PKD1L3: variants seen among roughly 807,000 people sequenced by gnomAD.
PKD1L3 encodes the protein polycystin 1 like 3, transient receptor potential channel interacting.
In PKD1L3, 239 loss-of-function variants were observed where a neutral mutation model predicts 184.1. The ratio of observed to expected loss-of-function variants is 1.30; its 90% CI spans 1.17 to 1.45. PKD1L3 has a LOEUF of 1.45. Among genes scored for constraint, PKD1L3 ranks in the 40% most tolerant of loss-of-function variants. The probability of loss-of-function intolerance (pLI) is 0.00; values close to 1 mark genes in which losing one functional copy is unlikely to be tolerated. For synonymous variants in PKD1L3, 996 were observed against 778.8 expected (o/e 1.28, Z -4.64); for missense variants, 2,660 against 2,067.2 (o/e 1.29, Z -5.56).
intron 22 of PKD1L3, among the ~76,000 whole-genome samples, chr16:71,946,085 C>T (rs77915105): frequency 1.3e-5 from 2 of 152,206 alleles, no homozygotes; most frequent in East Asian, 1.9e-4. Flanking sequence ...CAGCCTCCCA[C>T]GTAGCTGGGA....
intron 2 of PKD1L3, among the ~76,000 whole-genome samples, chr16:71,995,148 G>A (rs1349304447): frequency 2.0e-5 from 3 of 152,146 alleles, no homozygotes; most frequent in Admixed American, 6.5e-5. Flanking sequence ...ACTGGCACTT[G>A]GAGTTGGGGG....
chr16:71,952,936 T>C lies in PKD1L3; in HGVS notation c.2967A>G (p.Ser989=), dbSNP rs1476855079. ...CAGAGAGAGGCTCAACAGAAGCATC[T>C]GAGAGGCAGGAGGCCTGGATGGGAG... ...LFPPIQASCL[S]DASVEPLSAT... The change falls in exon 18 of 30, where the codon TCA becomes TCG. Residue 989 remains serine, a synonymous_variant. Transcript: ENST00000620267. 10 of 1,550,906 alleles carry C rather than the reference T, an allele frequency of 6.4e-6. No individual in the cohort carries two copies. Among genetic ancestry groups the C allele is most frequent in the Non-Finnish European group, 8.7e-6 (10 of 1,146,870 alleles).
chr16:71,933,926 A>AG lies in PKD1L3; in HGVS notation c.4812dup (p.Tyr1605LeufsTer6), dbSNP rs2038082719. 6.4e-7 allele frequency: 1 copy of AG among 1,551,132 alleles called. No homozygotes were observed. The highest frequency in any genetic ancestry group is 1.4e-5 in the African/African-American group (1 of 73,012). On this transcript the variant is annotated frameshift_variant, in exon 27 of 30. Coordinates refer to ENST00000620267, the MANE Select transcript of PKD1L3 (RefSeq NM_181536.2). LOFTEE classifies it high-confidence loss of function. ...ACGTGGGGGCTTACGGCAATGGCATAGCCTGTCAGCAGGATTAGGATGATC... is the reference window on the plus strand; with the variant it reads ...ACGTGGGGGCTTACGGCAATGGCATAGGCCTGTCAGCAGGATTAGGATGATC...
At position 71,944,083 on chromosome 16, in the gene PKD1L3, G is replaced by C; in HGVS notation, c.3806C>G (p.Pro1269Arg). 1 of 1,552,008 alleles carries C rather than the reference G, an allele frequency of 6.4e-7. No individual in the cohort carries two copies. Among genetic ancestry groups the C allele is most frequent in the Non-Finnish European group, 8.7e-7 (1 of 1,147,036 alleles). ...APAINSPTKH[P>R]ERTLKKKKLF... ...TTTCTTCTTTTTCAAGGTTCTTTCT[G>C]GGTGCTTAGTTGGACTATTTATAGC... Residue 1269 changes from proline to arginine, a missense_variant, in exon 23 of 30, where the codon CCA becomes CGA. Pro to Arg is a moderately radical substitution (Grantham distance 103, BLOSUM62 -2). Coordinates refer to ENST00000620267, the MANE Select transcript of PKD1L3 (RefSeq NM_181536.2).
intron 25 of PKD1L3, among the ~76,000 whole-genome samples, chr16:71,936,553 CT>C: frequency 7.2e-6 from 1 of 137,996 alleles, no homozygotes; most frequent in Non-Finnish European, 1.5e-5. Flanking sequence ...CAGTTTCACT[CT>C]TGTTGCCCAA....
In PKD1L3 at chr16:71,998,172, A is replaced by T. The variant is rs928951780; in HGVS notation, c.418+100T>A. On this transcript the variant is annotated intron_variant, in intron 2 of 29. Coordinates refer to ENST00000620267, the MANE Select transcript of PKD1L3 (RefSeq NM_181536.2). ...AAGCCCTGTATCATCCCATGGTCTAACACTCACAGACTATTTAACCAATAT... is the reference window on the plus strand; with the variant it reads ...AAGCCCTGTATCATCCCATGGTCTATCACTCACAGACTATTTAACCAATAT... 6 of 1,455,952 alleles carry T rather than the reference A, an allele frequency of 4.1e-6. No individual in the cohort carries two copies. The African/African-American group carries it at 8.5e-5, about 21-fold the overall frequency. The allele number at this position is 1,455,952 out of a possible 1,614,324, so 90.2% of individuals were successfully genotyped here.
chr16:71,979,739 C>A (rs1476062541), intron 9 of PKD1L3, 47 bp downstream of exon 9: 2 of 1,461,120 alleles, frequency 1.4e-6, no homozygotes, highest in Non-Finnish European at 1.8e-6. Context: ...GCCTACATGG[C>A]CATCAGATCC....
At chr16:71,983,319 G>C (rs1476024669) in intron 6 of PKD1L3, among the ~76,000 whole-genome samples, 5 of 151,860 alleles carry the variant, frequency 3.3e-5, no homozygotes, top group African/African-American at 1.2e-4. Flanking sequence ...GTTAAGTTTT[G>C]TATTTTTGAT....
chr16:71,950,760 G>A (rs1321031245), intron 19 of PKD1L3, among the ~76,000 whole-genome samples: 3 of 147,110 alleles, frequency 2.0e-5, no homozygotes, highest in Non-Finnish European at 4.5e-5. Context: ...TTGAGATGGA[G>A]TCTTGGTCTG....
intron 7 of PKD1L3, 71 bp from the exon 8 acceptor site, chr16:71,980,205 G>C (rs769144383): frequency 4.7e-6 from 7 of 1,490,256 alleles, no homozygotes; most frequent in Non-Finnish European, 6.4e-6. Flanking sequence ...TAATGTTTTG[G>C]AGAAGATTGG....
At chr16:71,994,167 G>A (rs1413172547) in intron 2 of PKD1L3, among the ~76,000 whole-genome samples, 1 of 152,128 alleles carries the variant, frequency 6.6e-6, no homozygotes, top group Non-Finnish European at 1.5e-5. Context: ...TAACCATGAT[G>A]ACTATGGCTC....
At chr16:71,975,354 G>A (rs759418026) in intron 11 of PKD1L3, among the ~76,000 whole-genome samples, 1 of 151,762 alleles carries the variant, frequency 6.6e-6, no homozygotes, top group Non-Finnish European at 1.5e-5. Context: ...CACTACACCA[G>A]GCCAGACATT....
chr16:71,990,373 G>A, intron 3 of PKD1L3, 44 bp from the exon 4 acceptor site: 1 of 1,457,744 alleles, frequency 6.9e-7, no homozygotes, highest in Non-Finnish European at 9.3e-7. Flanking sequence ...AAAAGCCTAA[G>A]ACAGAAATAT....
chr16:71,934,480 G>T (rs1407346743), intron 26 of PKD1L3, among the ~76,000 whole-genome samples: 1 of 152,200 alleles, frequency 6.6e-6, no homozygotes, highest in Non-Finnish European at 1.5e-5. Context: ...GATTAACTCA[G>T]CCCAGAGAGA....
intron 21 of PKD1L3, 22 bp downstream of exon 21, chr16:71,949,761 G>C (rs778995098): frequency 6.5e-7 from 1 of 1,540,388 alleles, no homozygotes; most frequent in Non-Finnish European, 8.8e-7. Flanking sequence ...AACTCCAATG[G>C]TTCTTCCCAT....
rs1446602561 is a variant in PKD1L3 at position 71,990,287 on chromosome 16, G to A, written c.578C>T (p.Ala193Val). The change falls in exon 4 of 30, where the codon GCT (alanine) becomes GTT (valine). Residue 193 changes from alanine to valine, a missense_variant. Coordinates refer to ENST00000620267, the MANE Select transcript of PKD1L3 (RefSeq NM_181536.2). ...GTCAAGGGAAGCACTTACAAGATGAGCAGGAAGAGGATAGTGACATGTGGT... is the reference window on the plus strand; with the variant it reads ...GTCAAGGGAAGCACTTACAAGATGAACAGGAAGAGGATAGTGACATGTGGT... ...LPTTCHYPLPAHLSKTLCHPI... is the reference protein window; with the variant it reads ...LPTTCHYPLPVHLSKTLCHPI... The A allele has an allele frequency of 1.9e-6, 3 of 1,547,128 alleles. No homozygotes were observed. The highest frequency in any genetic ancestry group is 2.0e-5 in the Admixed American group (1 of 50,930).
Position 71,999,807 on chromosome 16 carries a change from G to A in PKD1L3, c.172C>T (p.Leu58=), listed in dbSNP as rs2040908063. ...QHYCHVQRGF[L]AHIWNKEVQD... ...ACTTCCTTGTTCCAAATATGAGCTA[G>A]GAATCCTCTCTGCACATGACAGTAA... The change falls in exon 1 of 30, where the codon CTA becomes TTA. Residue 58 remains leucine (L), a synonymous_variant. Transcript: ENST00000620267. 1 of 1,551,552 alleles carries A rather than the reference G, an allele frequency of 6.4e-7. No individual in the cohort carries two copies. The highest frequency in any genetic ancestry group is 1.4e-5 in the African/African-American group (1 of 73,014).
intron 7 of PKD1L3, among the ~76,000 whole-genome samples, chr16:71,980,491 G>T (rs1225954785): frequency 2.0e-5 from 3 of 152,098 alleles, no homozygotes; most frequent in Admixed American, 6.6e-5. Context: ...ATATTCACAG[G>T]ATTGTGCAAC....
At chr16:71,947,428 C>G (rs1411750758) in intron 22 of PKD1L3, 64 bp downstream of exon 22, 3 of 1,051,700 alleles carry the variant, frequency 2.9e-6, no homozygotes, top group Non-Finnish European at 4.3e-6. Flanking sequence ...ATCGAGTCAG[C>G]AAGGTGGCCA....
Sources: allele counts gnomAD v4.1 joint callset (sites outside exome capture counted in the v4.1 genomes callset), GRCh38; gene constraint gnomAD v4.1.1; transcripts MANE v1.5; gene names NCBI Gene and HGNC (gene_info 2026-07-23, HGNC 2026-07-21).